Variants in PTPRN2 observed in about 807,000 individuals in gnomAD.
The protein encoded by PTPRN2 is receptor-type tyrosine-protein phosphatase N2.
In PTPRN2, 74 loss-of-function variants were observed where a neutral mutation model predicts 118.8. The observed-to-expected ratio is 0.62, with a 90% confidence interval of 0.52 to 0.76. The LOEUF (loss-of-function observed/expected upper bound fraction) is 0.76, where lower values mean the gene tolerates loss of function less well. PTPRN2 is among the 30% of genes least tolerant of loss of function. The pLI is 0.00. For synonymous variants in PTPRN2, 641 were observed against 608.0 expected, an observed-to-expected ratio of 1.05 and a Z score of -0.80; for missense variants, 1,481 against 1,394.4, an observed-to-expected ratio of 1.06 and a Z score of -0.99.
At chr7:158,316,790 C>A in intron 3 of PTPRN2, 29 bp downstream of exon 3, 1 of 1,545,390 alleles carries the variant, frequency 6.5e-7, no homozygotes, top group Non-Finnish European at 8.7e-7. Flanking sequence ...GTGCGGCAGC[C>A]GCCGAGCCTC....
chr7:158,171,933 C>T (rs1285890499), intron 5 of PTPRN2, among the ~76,000 whole-genome samples: 1 of 152,188 alleles, frequency 6.6e-6, no homozygotes, highest in Admixed American at 6.5e-5. Context: ...AGGCGATGGA[C>T]ATTCCTGTGC....
chr7:157,653,966 A>T (rs1424748853), intron 14 of PTPRN2, among the ~76,000 whole-genome samples: 1 of 40,320 alleles, frequency 2.5e-5, no homozygotes, highest in African/African-American at 1.0e-4. Flanking sequence ...CCCCACACCC[A>T]CCCCGACTCC....
At chr7:158,090,434 T>C (rs1351144636) in intron 10 of PTPRN2, among the ~76,000 whole-genome samples, 1 of 152,252 alleles carries the variant, frequency 6.6e-6, no homozygotes, top group Non-Finnish European at 1.5e-5. Flanking sequence ...ATATATGTTG[T>C]ACATAGATAA....
intron 3 of PTPRN2, among the ~76,000 whole-genome samples, chr7:158,280,994 T>C (rs1173345886): frequency 6.6e-6 from 1 of 152,188 alleles, no homozygotes; most frequent in Non-Finnish European, 1.5e-5. Flanking sequence ...CATGTGCTCG[T>C]CATCACAGCT....
Position 158,480,986 on chromosome 7 carries a change from G to A in PTPRN2, c.163+8749C>T, listed in dbSNP as rs116494985. ...GATCTGGCTGAGATCAGTGACGAAG[G>A]TGGCTGCTCTAACAACAGATTTTCA... On this transcript the variant is annotated intron_variant, in intron 2 of 22. Transcript: ENST00000389418. 5.3e-3 allele frequency among the ~76,000 whole-genome samples: 809 copies of A among 152,382 alleles called. 5 individuals carry two copies. Among genetic ancestry groups the A allele is most frequent in the African/African-American group, 0.019 (772 of 41,576 alleles).
chr7:157,787,286 C>T lies in PTPRN2; in HGVS notation c.1789-104349G>A, dbSNP rs1046000526. Among the ~76,000 whole-genome samples, 4 of 152,128 alleles carry T rather than the reference C, an allele frequency of 2.6e-5. No individual in the cohort carries two copies. Among genetic ancestry groups the T allele is most frequent in the South Asian group, 2.1e-4 (1 of 4,830 alleles). ...GATGCCCACAACCCCTCTGGGGTGT[C>T]GGGGATCAGGTGAGCAAGGGGGCTC... On this transcript the variant is annotated intron_variant, in intron 12 of 22. Coordinates refer to ENST00000389418, the MANE Select transcript of PTPRN2 (RefSeq NM_002847.5). This position sits in a 1 kb window ranked among gnomAD's most constrained non-coding sequence, Gnocchi z 5.3.
intron 21 of PTPRN2, among the ~76,000 whole-genome samples, chr7:157,565,378 A>G (rs1463140298): frequency 6.6e-6 from 1 of 152,250 alleles, no homozygotes; most frequent in Non-Finnish European, 1.5e-5. Context: ...GGCTCCTGCC[A>G]GACAAAAGAA....
intron 5 of PTPRN2, among the ~76,000 whole-genome samples, chr7:158,185,126 G>A (rs1167015781): frequency 6.6e-6 from 1 of 152,082 alleles, no homozygotes; most frequent in East Asian, 1.9e-4. Flanking sequence ...TTTATATATT[G>A]TTGAATTTAA....
chr7:157,818,737 T>C (rs1806599647), intron 12 of PTPRN2, among the ~76,000 whole-genome samples: 1 of 151,708 alleles, frequency 6.6e-6, no homozygotes, highest in Non-Finnish European at 1.5e-5. Flanking sequence ...ATTAGGAAGA[T>C]TAAATGTTAA....
chr7:158,319,687 T>TCACACACA (rs1563132478), intron 2 of PTPRN2, among the ~76,000 whole-genome samples: 1,250 of 2,692 alleles, frequency 0.46, 587 homozygotes, highest in Non-Finnish European at 0.55. Context: ...ACACAGCCTC[T>TCACACACA]CTCACACAGC....
At chr7:158,577,305 G>A (rs1586973101) in intron 1 of PTPRN2, among the ~76,000 whole-genome samples, 3 of 117,426 alleles carry the variant, frequency 2.6e-5, no homozygotes, top group East Asian at 2.8e-4. Context: ...TGATGCCACA[G>A]ACAGCATGGG....
chr7:157,642,814 C>CAAAAAAAAAAA lies in PTPRN2; in HGVS notation c.2196+13532_2196+13542dup, dbSNP rs11335302. 4.2e-3 allele frequency among the ~76,000 whole-genome samples: 102 copies of CAAAAAAAAAAA among 24,220 alleles called. 14 individuals are homozygous for CAAAAAAAAAAA. Among genetic ancestry groups the CAAAAAAAAAAA allele is most frequent in the Non-Finnish European group, 5.5e-3 (65 of 11,918 alleles). 15.9% of individuals were successfully genotyped at this position (24,220 alleles called of 152,430 possible). On this transcript the variant is annotated intron_variant, in intron 14 of 22. Coordinates refer to ENST00000389418, the MANE Select transcript of PTPRN2 (RefSeq NM_002847.5). ...AAGGGTCTACCAAGTCAAGAAACAGCAAAAAAAAAAAAAAAAAAAAAAAAA... is the reference window on the plus strand; with the variant it reads ...AAGGGTCTACCAAGTCAAGAAACAGCAAAAAAAAAAAAAAAAAAAAAAAAAAAAAAAAAAAA...
intron 3 of PTPRN2, among the ~76,000 whole-genome samples, chr7:158,279,882 A>G (rs1799296919): frequency 6.6e-6 from 1 of 151,842 alleles, no homozygotes; most frequent in Non-Finnish European, 1.5e-5. Context: ...GCACGTTATC[A>G]CCTCTCAATG....
intron 2 of PTPRN2, among the ~76,000 whole-genome samples, chr7:158,376,695 G>A (rs1202117412): frequency 2.7e-5 from 3 of 111,936 alleles, no homozygotes; most frequent in Admixed American, 9.4e-5. Flanking sequence ...CCTGTCACAC[G>A]TCCTGCACGC....
chr7:158,317,293 T>C (rs1802412725), intron 2 of PTPRN2, among the ~76,000 whole-genome samples: 1 of 152,190 alleles, frequency 6.6e-6, no homozygotes, highest in African/African-American at 2.4e-5. Flanking sequence ...TCAATAACAT[T>C]CCAGGCCAGT....
In PTPRN2 at chr7:158,022,724, T is replaced by A. The variant is rs1258112382; in HGVS notation, c.1723+58574A>T. Reference sequence around the variant, plus strand: ...TGGCTTTTAATGATGCAGCAAAGCATCAGGCTGCCCACGCCAGAAGGCTTT... The same window carrying A: ...TGGCTTTTAATGATGCAGCAAAGCAACAGGCTGCCCACGCCAGAAGGCTTT... On this transcript the variant is annotated intron_variant, in intron 11 of 22. Coordinates refer to ENST00000389418, the MANE Select transcript of PTPRN2 (RefSeq NM_002847.5). This position sits in a 1 kb window ranked among gnomAD's most constrained non-coding sequence, Gnocchi z 4.6. Among the ~76,000 whole-genome samples the A allele has an allele frequency of 6.6e-6, 1 of 152,280 alleles. No homozygotes were observed. The highest frequency in any genetic ancestry group is 1.5e-5 in the Non-Finnish European group (1 of 68,052).
chr7:158,046,267 G>A (rs1215040070), intron 11 of PTPRN2, among the ~76,000 whole-genome samples: 1 of 145,188 alleles, frequency 6.9e-6, no homozygotes. Flanking sequence ...GCCTTGTTCT[G>A]TCCAGGAGCA....
intron 11 of PTPRN2, among the ~76,000 whole-genome samples, chr7:158,031,295 T>C (rs185403062): frequency 9.2e-5 from 14 of 152,342 alleles, no homozygotes; most frequent in Non-Finnish European, 1.9e-4. Flanking sequence ...TGCACCTTCC[T>C]GAATTTTTTC....
chr7:158,547,829 C>T (rs1826394706), intron 1 of PTPRN2, among the ~76,000 whole-genome samples: 1 of 152,244 alleles, frequency 6.6e-6, no homozygotes, highest in African/African-American at 2.4e-5. Flanking sequence ...TACTCTGTCC[C>T]AATATCAAGG....
Sources: gnomAD v4.1 joint callset for allele counts (sites outside exome capture counted in the v4.1 genomes callset) on GRCh38, gnomAD v4.1.1 for gene constraint, Gnocchi (gnomAD v3.1) non-coding constraint, MANE v1.5 for transcripts, NCBI Gene and HGNC (gene_info 2026-07-23, HGNC 2026-07-21) for gene names.